The following ZNF704 variants were observed in gnomAD, a reference collection of about 807,000 sequenced individuals.
ZNF704 encodes the protein glucocorticoid induced gene 1.
ZNF704 carries 10 observed loss-of-function variants against 44.7 expected under a neutral mutation model. The ratio of observed to expected loss-of-function variants is 0.22; its 90% CI spans 0.14 to 0.38. ZNF704 has a LOEUF of 0.38. Among genes scored for constraint, ZNF704 ranks in the 10% least tolerant of loss-of-function variants. The pLI is 1.00. For synonymous variants in ZNF704, 211 were observed against 207.6 expected (o/e 1.02, Z -0.14); for missense variants, 390 against 545.5 (o/e 0.71, Z 2.84).
intron 2 of ZNF704, among the ~76,000 whole-genome samples, chr8:80,787,294 G>A (rs1807630529): frequency 6.6e-6 from 1 of 152,064 alleles, no homozygotes; most frequent in Non-Finnish European, 1.5e-5. Flanking sequence ...GAGAGCACAC[G>A]TGTGTATATG....
At chr8:80,791,340 TG>T (rs1807705380) in intron 2 of ZNF704, among the ~76,000 whole-genome samples, 1 of 152,226 alleles carries the variant, frequency 6.6e-6, no homozygotes. Flanking sequence ...TCCCTGTCCC[TG>T]CAGATCCTTA....
intron 1 of ZNF704, among the ~76,000 whole-genome samples, chr8:80,833,634 G>A (rs549423042): frequency 6.6e-6 from 1 of 152,296 alleles, no homozygotes; most frequent in South Asian, 2.1e-4. Flanking sequence ...AATGAAGTTT[G>A]TTGACTGCTT....
chr8:80,861,131 T>G (rs1182332842), intron 1 of ZNF704, among the ~76,000 whole-genome samples: 1 of 152,218 alleles, frequency 6.6e-6, no homozygotes, highest in African/African-American at 2.4e-5. Context: ...CTCTGTTCAC[T>G]GCTAGAAACC....
chr8:80,780,200 G>A (rs931206077), intron 2 of ZNF704, among the ~76,000 whole-genome samples: 19 of 152,122 alleles, frequency 1.2e-4, no homozygotes, highest in Non-Finnish European at 2.5e-4. Flanking sequence ...TACATGGAGG[G>A]AAGAAGAAAG....
At chr8:80,760,291 A>G (rs1177679368) in intron 2 of ZNF704, among the ~76,000 whole-genome samples, 1 of 152,200 alleles carries the variant, frequency 6.6e-6, no homozygotes. Context: ...ATCCAGTGTG[A>G]TATTTTGATT....
intron 1 of ZNF704, among the ~76,000 whole-genome samples, chr8:80,864,188 CACT>C (rs1220253136): frequency 6.6e-6 from 1 of 152,024 alleles, no homozygotes; most frequent in African/African-American, 2.4e-5. Context: ...TTATATGACC[CACT>C]ACAACACTTT....
At chr8:80,647,130 C>A (rs1305872518) in intron 7 of ZNF704, among the ~76,000 whole-genome samples, 1 of 152,210 alleles carries the variant, frequency 6.6e-6, no homozygotes, top group Non-Finnish European at 1.5e-5. Context: ...AATTCTCTGC[C>A]CTCATGGAGC....
chr8:80,660,193 C>T (rs1304573429), intron 6 of ZNF704, among the ~76,000 whole-genome samples: 1 of 152,106 alleles, frequency 6.6e-6, no homozygotes, highest in Non-Finnish European at 1.5e-5. Flanking sequence ...ACAATTGGGG[C>T]TGGGCGTGGT....
chr8:80,748,461 C>G (rs1022077939), intron 2 of ZNF704, among the ~76,000 whole-genome samples: 1 of 152,234 alleles, frequency 6.6e-6, no homozygotes, highest in African/African-American at 2.4e-5. Context: ...CCTCTCAGCT[C>G]CAGCATCAGT....
chr8:80,649,281 C>A (rs1039930666), intron 7 of ZNF704, among the ~76,000 whole-genome samples: 3 of 152,082 alleles, frequency 2.0e-5, no homozygotes, highest in Non-Finnish European at 4.4e-5. Flanking sequence ...ACTGAGGTAC[C>A]GGGTTCAACT....
Position 80,721,245 on chromosome 8 carries a change from T to G in ZNF704, c.222-28138A>C, listed in dbSNP as rs535528834. Among the ~76,000 whole-genome samples, 9 of 152,254 alleles carry G rather than the reference T, an allele frequency of 5.9e-5. No individual in the cohort carries two copies. The South Asian group carries it at 1.9e-3, about 32-fold the overall frequency. Reference sequence around the variant, plus strand: ...ATGTTAAATCTGGATAAAGCTGAATTTATTTTGGAATGATGTGGTAACTTT... The same window carrying G: ...ATGTTAAATCTGGATAAAGCTGAATGTATTTTGGAATGATGTGGTAACTTT... On this transcript the variant is annotated intron_variant, in intron 2 of 8. Coordinates refer to ENST00000327835, the MANE Select transcript of ZNF704 (RefSeq NM_001033723.3).
At chr8:80,776,167 G>C (rs1454361854) in intron 2 of ZNF704, among the ~76,000 whole-genome samples, 1 of 152,120 alleles carries the variant, frequency 6.6e-6, no homozygotes, top group African/African-American at 2.4e-5. Flanking sequence ...AGAGTGACAA[G>C]TGTTTTGCCT....
At chr8:80,736,279 T>C (rs1264724662) in intron 2 of ZNF704, among the ~76,000 whole-genome samples, 1 of 152,236 alleles carries the variant, frequency 6.6e-6, no homozygotes, top group Non-Finnish European at 1.5e-5. Context: ...ATTTAAACGT[T>C]ACTTTTTTGT....
intron 2 of ZNF704, among the ~76,000 whole-genome samples, chr8:80,765,021 A>C (rs73268652): frequency 0.23 from 35,184 of 152,068 alleles, 5,898 homozygotes; most frequent in African/African-American, 0.47. Context: ...AGGCTGTCTG[A>C]AAACTGGAGA....
At position 80,664,970 on chromosome 8, in the gene ZNF704, G is replaced by T; in HGVS notation, c.772C>A (p.Pro258Thr). The change falls in exon 6 of 9, where the codon CCT (proline) becomes ACT (threonine). Residue 258 changes from proline (P) to threonine (T), a missense_variant. Around this residue, in one of 3 missense-constraint regions of ZNF704, gnomAD observed 305 missense variants for 435.7 expected, o/e 0.70. Coordinates refer to ENST00000327835, the MANE Select transcript of ZNF704 (RefSeq NM_001033723.3). ...DGLSSLAPVS[P>T]SQSLASPPTF... ...GGAGGTGAAGCCAGGGACTGGGAAG[G>T]TGAGACCGGGGCCAGGCTGCTCAGC... The T allele has an allele frequency of 6.2e-7, 1 of 1,614,212 alleles. No individual in the cohort carries two copies. The highest frequency in any genetic ancestry group is 8.5e-7 in the Non-Finnish European group (1 of 1,180,042).
chr8:80,770,388 T>A (rs768218314), intron 2 of ZNF704, among the ~76,000 whole-genome samples: 15 of 152,324 alleles, frequency 9.8e-5, no homozygotes, highest in Middle Eastern at 6.8e-3. Flanking sequence ...ATAGTTTTAA[T>A]AGATATGTAG....
rs1157375187 is a variant in ZNF704, at chr8:80,751,724, A to T, written c.222-58617T>A. Among the ~76,000 whole-genome samples, 4 of 152,264 alleles carry T rather than the reference A, an allele frequency of 2.6e-5. No individual in the cohort carries two copies. In the East Asian group the frequency reaches 5.8e-4, roughly 22 times the overall value. ...TCCTTCAAGTGGTGTGAGTGGCATG[A>T]CTTGAAGTCAGCCAGGATTCTTTTT... On this transcript the variant is annotated intron_variant, in intron 2 of 8. Transcript: ENST00000327835.
At chr8:80,862,597 C>CAAA (rs10523461) in intron 1 of ZNF704, among the ~76,000 whole-genome samples, 135 of 100,100 alleles carry the variant, frequency 1.3e-3, no homozygotes, top group African/African-American at 5.0e-3. Context: ...TTGTCTCTAC[C>CAAA]AAAAAAAAAA....
At chr8:80,828,070 A>C (rs1808409356) in intron 1 of ZNF704, among the ~76,000 whole-genome samples, 1 of 152,246 alleles carries the variant, frequency 6.6e-6, no homozygotes, top group South Asian at 2.1e-4. Context: ...AAAAGCCATA[A>C]TTGACAAATG....
Sources: allele counts gnomAD v4.1 joint callset (sites outside exome capture counted in the v4.1 genomes callset), GRCh38; gene constraint gnomAD v4.1.1; regional missense constraint gnomAD v4.1.1; transcripts MANE v1.5; gene names NCBI Gene and HGNC (gene_info 2026-07-23, HGNC 2026-07-21).